MAP7: variants seen among roughly 807,000 people sequenced by gnomAD.
MAP7 encodes microtubule associated protein 7.
MAP7 carries 52 observed loss-of-function variants against 94.8 expected under a neutral mutation model. The ratio of observed to expected loss-of-function variants is 0.55; its 90% CI spans 0.44 to 0.69. The LOEUF is 0.69. Among genes scored for constraint, MAP7 ranks in the 30% least tolerant of loss-of-function variants. The pLI, the probability that MAP7 is intolerant of heterozygous loss-of-function variation, is 0.00. For missense variants in MAP7, 940 were observed against 964.6 expected, an observed-to-expected ratio of 0.97 and a Z score of 0.34; for synonymous variants, 350 against 357.0, an observed-to-expected ratio of 0.98 and a Z score of 0.22.
At chr6:136,541,839 G>A (rs1445256372) in intron 1 of MAP7, among the ~76,000 whole-genome samples, 2 of 152,108 alleles carry the variant, frequency 1.3e-5, no homozygotes, top group Non-Finnish European at 2.9e-5. Flanking sequence ...TGGGCAGATC[G>A]CTTGAGCTCA....
intron 1 of MAP7, among the ~76,000 whole-genome samples, chr6:136,523,417 C>T (rs887589827): frequency 1.3e-5 from 2 of 152,218 alleles, no homozygotes; most frequent in African/African-American, 4.8e-5. Context: ...TTCTCAGTTG[C>T]ACTAGCTATA....
At chr6:136,408,640 C>T (rs1014555106) in intron 3 of MAP7, among the ~76,000 whole-genome samples, 7 of 151,898 alleles carry the variant, frequency 4.6e-5, no homozygotes, top group Admixed American at 1.3e-4. Context: ...GAATGGTGTC[C>T]GATTTTTTTT....
chr6:136,478,402 G>GC (rs1811614911), intron 1 of MAP7, among the ~76,000 whole-genome samples: 1 of 151,966 alleles, frequency 6.6e-6, no homozygotes, highest in Non-Finnish European at 1.5e-5. Flanking sequence ...GGGCAAGACA[G>GC]CAAGACCCTG....
intron 1 of MAP7, among the ~76,000 whole-genome samples, chr6:136,527,273 G>T (rs1398957818): frequency 1.3e-5 from 2 of 152,156 alleles, no homozygotes; most frequent in African/African-American, 4.8e-5. Flanking sequence ...TAAAATGTGT[G>T]CTGTCTCCAA....
At chr6:136,521,672 G>A (rs1826445889) in intron 1 of MAP7, among the ~76,000 whole-genome samples, 1 of 152,146 alleles carries the variant, frequency 6.6e-6, no homozygotes, top group Admixed American at 6.5e-5. Context: ...CTATCCACAG[G>A]TAAACATTGT....
chr6:136,365,842 G>A lies in MAP7; in HGVS notation c.1166C>T (p.Pro389Leu), dbSNP rs1056964840. 6.2e-7 allele frequency: 1 copy of A among 1,614,128 alleles called. No homozygotes were observed. Among genetic ancestry groups the A allele is most frequent in the Non-Finnish European group, 8.5e-7 (1 of 1,180,040 alleles). ...TGAGGGCTCATTGGCAACTTTCTGA[G>A]GTTCCTTCTCAGGATCTTTCTTCTC... Reference protein sequence around the residue: ...EPEKKDPEKEPQKVANEPSLK... With the variant: ...EPEKKDPEKELQKVANEPSLK... Residue 389 changes from proline to leucine, a missense_variant, in exon 10 of 18, where the codon CCT becomes CTT. Coordinates refer to ENST00000354570, the MANE Select transcript of MAP7 (RefSeq NM_003980.6).
chr6:136,539,042 G>A (rs1259602791), intron 1 of MAP7, among the ~76,000 whole-genome samples: 1 of 152,100 alleles, frequency 6.6e-6, no homozygotes, highest in Non-Finnish European at 1.5e-5. Context: ...TCACTATGGA[G>A]AGCTTACTAT....
At chr6:136,419,167 T>C (rs1301108069) in intron 2 of MAP7, among the ~76,000 whole-genome samples, 1 of 152,238 alleles carries the variant, frequency 6.6e-6, no homozygotes, top group Non-Finnish European at 1.5e-5. Flanking sequence ...CCTATTCATA[T>C]ATTGGTTTAT....
intron 1 of MAP7, among the ~76,000 whole-genome samples, chr6:136,494,865 T>C (rs954486300): frequency 6.6e-5 from 10 of 152,328 alleles, no homozygotes; most frequent in South Asian, 4.1e-4. Context: ...TTGAGAGCCT[T>C]TGAATCCAAC....
chr6:136,476,026 C>T (rs892941429), intron 1 of MAP7: 9 of 152,196 alleles, frequency 5.9e-5, no homozygotes, highest in African/African-American at 1.7e-4. Context: ...ACTACCAATT[C>T]CACTTATACA....
At chr6:136,444,094 T>A (rs911954485) in intron 1 of MAP7, among the ~76,000 whole-genome samples, 3 of 152,240 alleles carry the variant, frequency 2.0e-5, no homozygotes, top group Non-Finnish European at 2.9e-5. Flanking sequence ...CTGTGTATTT[T>A]AAAAATTTAT....
At chr6:136,495,500 G>T in intron 1 of MAP7, among the ~76,000 whole-genome samples, 1 of 150,964 alleles carries the variant, frequency 6.6e-6, no homozygotes, top group Non-Finnish European at 1.5e-5. Flanking sequence ...ACACACACAC[G>T]TAGAGCATAT....
chr6:136,395,114 T>C (rs1357083372), intron 3 of MAP7, among the ~76,000 whole-genome samples: 1 of 151,330 alleles, frequency 6.6e-6, no homozygotes, highest in Admixed American at 6.6e-5. Flanking sequence ...CATCCTGCAG[T>C]TCTATTTTTA....
At chr6:136,491,026 T>A (rs1562457854) in intron 1 of MAP7, among the ~76,000 whole-genome samples, 1 of 152,224 alleles carries the variant, frequency 6.6e-6, no homozygotes, top group Non-Finnish European at 1.5e-5. Flanking sequence ...GTCTTTGAAC[T>A]TTTTTATGAA....
intron 3 of MAP7, among the ~76,000 whole-genome samples, chr6:136,398,157 A>G (rs1333259468): frequency 2.6e-5 from 4 of 152,232 alleles, no homozygotes; most frequent in Admixed American, 2.6e-4. Flanking sequence ...AGGAATTAAA[A>G]ATGAAAAGCA....
chr6:136,387,406 T>C (rs1389035421), intron 5 of MAP7, among the ~76,000 whole-genome samples: 1 of 152,164 alleles, frequency 6.6e-6, no homozygotes, highest in Non-Finnish European at 1.5e-5. Flanking sequence ...ACATTCCACA[T>C]GTAATTACTT....
intron 3 of MAP7, among the ~76,000 whole-genome samples, chr6:136,405,733 GC>G (rs1275008193): frequency 6.6e-6 from 1 of 152,212 alleles, no homozygotes; most frequent in Non-Finnish European, 1.5e-5. Context: ...GGAGCCTATT[GC>G]AGAATCCGGG....
At chr6:136,488,756 TAATA>T (rs1815593831) in intron 1 of MAP7, among the ~76,000 whole-genome samples, 1 of 152,114 alleles carries the variant, frequency 6.6e-6, no homozygotes, top group Non-Finnish European at 1.5e-5. Flanking sequence ...AGGTACTTCT[TAATA>T]AAGTTCTTAG....
chr6:136,368,849 A>C (rs1405201323), intron 8 of MAP7, among the ~76,000 whole-genome samples: 1 of 152,254 alleles, frequency 6.6e-6, no homozygotes, highest in Admixed American at 6.5e-5. Flanking sequence ...CACAGATTCC[A>C]TGCATTCCCT....
Sources: gnomAD v4.1 joint callset for allele counts (sites outside exome capture counted in the v4.1 genomes callset) on GRCh38, gnomAD v4.1.1 for gene constraint, MANE v1.5 for transcripts, NCBI Gene and HGNC (gene_info 2026-07-23, HGNC 2026-07-21) for gene names.